The following METTL14 variants were observed in gnomAD, a reference collection of about 807,000 sequenced individuals.
The protein encoded by METTL14 is methyltransferase 14, N6-adenosine-methyltransferase non-catalytic subunit.
A neutral mutation model predicts 62.4 loss-of-function variants in METTL14; 32 were observed. The observed-to-expected ratio is 0.51, with a 90% CI of 0.39 to 0.69. The LOEUF is 0.69. Among genes scored for constraint, METTL14 ranks in the 30% least tolerant of loss-of-function variants. METTL14 has a pLI of 0.00. For synonymous variants in METTL14, 150 were observed against 180.0 expected (o/e 0.83, Z 1.34); for missense variants, 340 against 551.9 (o/e 0.62, Z 3.85).
chr4:118,706,583 C>A (rs1202583336), intron 10 of METTL14, among the ~76,000 whole-genome samples: 1 of 152,194 alleles, frequency 6.6e-6, no homozygotes, highest in Non-Finnish European at 1.5e-5. Flanking sequence ...GTTTTCAGCT[C>A]CTTTGGGTAA....
chr4:118,686,693 C>A (rs759222359), intron 1 of METTL14: 2 of 453,968 alleles, frequency 4.4e-6, no homozygotes, highest in South Asian at 1.6e-5. Flanking sequence ...GTATTATCTT[C>A]AAAAATGTTA....
chr4:118,700,379 C>A (rs1724553126), intron 7 of METTL14, among the ~76,000 whole-genome samples, 171 bp from the exon 8 acceptor site: 1 of 152,020 alleles, frequency 6.6e-6, no homozygotes, highest in African/African-American at 2.4e-5. Context: ...AGTAACAAAA[C>A]AATAGAACGA....
chr4:118,704,123 C>A, intron 9 of METTL14, 72 bp downstream of exon 9: 1 of 828,884 alleles, frequency 1.2e-6, no homozygotes, highest in Non-Finnish European at 1.9e-6. Context: ...TAACTGTATA[C>A]TGTTTAATTA....
At chr4:118,686,084 A>G (rs1356326770) in intron 1 of METTL14, among the ~76,000 whole-genome samples, 1 of 152,212 alleles carries the variant, frequency 6.6e-6, no homozygotes. Flanking sequence ...TGCATCTTAT[A>G]TAGAGTATCC....
chr4:118,696,049 G>T (rs1196737255), intron 6 of METTL14, among the ~76,000 whole-genome samples: 1 of 143,932 alleles, frequency 6.9e-6, no homozygotes, highest in Non-Finnish European at 1.5e-5. Flanking sequence ...AACCCAGGAG[G>T]TGGAGTTTGC....
At chr4:118,704,400 C>T (rs1054873657) in intron 9 of METTL14, among the ~76,000 whole-genome samples, 3 of 152,140 alleles carry the variant, frequency 2.0e-5, no homozygotes, top group Non-Finnish European at 2.9e-5. Flanking sequence ...AGCTTAGAGA[C>T]GTATTTCTCT....
intron 9 of METTL14, among the ~76,000 whole-genome samples, chr4:118,704,893 G>A (rs931156007): frequency 3.9e-5 from 6 of 152,272 alleles, no homozygotes; most frequent in African/African-American, 1.2e-4. Flanking sequence ...GTGACAATCT[G>A]GACTTGTGAT....
intron 7 of METTL14, 119 bp downstream of exon 7, chr4:118,697,442 T>C (rs1579070875): frequency 1.2e-6 from 1 of 864,302 alleles, no homozygotes; most frequent in East Asian, 2.9e-5. Flanking sequence ...TAAATGTAGA[T>C]TTATAGTGTA....
chr4:118,687,955 C>G lies in METTL14; in HGVS notation c.99C>G (p.Ala33=), dbSNP rs145996004. The G allele has an allele frequency of 1.8e-5, 29 of 1,613,174 alleles. No individual in the cohort carries two copies. In the East Asian group the frequency reaches 6.5e-4, roughly 36 times the overall value. ...CTGAAAGTGCCGACAGCATTGGTGCCGTGTTAAATAGCAAAGATGAGCAGA... is the reference window on the plus strand; with the variant it reads ...CTGAAAGTGCCGACAGCATTGGTGCGGTGTTAAATAGCAAAGATGAGCAGA... ...LGAESADSIG[A]VLNSKDEQRE... is the part of the protein sequence containing the mutation. The change falls in exon 2 of 11, where the codon GCC becomes GCG. Residue 33 remains alanine (A), a synonymous_variant. Coordinates refer to ENST00000388822, the MANE Select transcript of METTL14 (RefSeq NM_020961.4).
At chr4:118,689,564 C>A in intron 3 of METTL14, 107 bp downstream of exon 3, 1 of 578,652 alleles carries the variant, frequency 1.7e-6, no homozygotes, top group Non-Finnish European at 3.0e-6. Context: ...TTAAGATGTG[C>A]TAAAATAATT....
chr4:118,701,395 A>G (rs1323131611), intron 8 of METTL14, among the ~76,000 whole-genome samples: 1 of 151,674 alleles, frequency 6.6e-6, no homozygotes, highest in Non-Finnish European at 1.5e-5. Context: ...TATGTTGCCC[A>G]GGCTGGCCCC....
At chr4:118,705,566 G>T in intron 9 of METTL14, 45 bp from the exon 10 acceptor site, 1 of 1,460,388 alleles carries the variant, frequency 6.8e-7, no homozygotes, top group South Asian at 1.1e-5. Flanking sequence ...GTTTTGGAAT[G>T]ACTGTTGATG....
chr4:118,692,746 A>G (rs941085663), intron 5 of METTL14, among the ~76,000 whole-genome samples: 5 of 151,788 alleles, frequency 3.3e-5, no homozygotes, highest in African/African-American at 1.2e-4. Flanking sequence ...TTGTGCAACT[A>G]TTTTCACAAT....
intron 7 of METTL14, among the ~76,000 whole-genome samples, chr4:118,697,752 A>C (rs1306724488): frequency 6.6e-6 from 1 of 152,196 alleles, no homozygotes; most frequent in Non-Finnish European, 1.5e-5. Context: ...AACACCCTGT[A>C]TGGACACATA....
chr4:118,689,209 G>A (rs1009866978), intron 2 of METTL14, among the ~76,000 whole-genome samples, 161 bp from the exon 3 acceptor site: 2 of 152,022 alleles, frequency 1.3e-5, no homozygotes, highest in Non-Finnish European at 2.9e-5. Context: ...TATCAATCAG[G>A]TTATTTGACT....
chr4:118,688,557 T>G (rs2110464171), intron 2 of METTL14, among the ~76,000 whole-genome samples: 1 of 152,178 alleles, frequency 6.6e-6, no homozygotes, highest in Admixed American at 6.5e-5. Flanking sequence ...GTTTTTATTG[T>G]CAGTTCATTA....
intron 8 of METTL14, among the ~76,000 whole-genome samples, chr4:118,703,734 A>C (rs1724675429): frequency 6.6e-6 from 1 of 152,220 alleles, no homozygotes; most frequent in Non-Finnish European, 1.5e-5. Flanking sequence ...TCCAAAAGAT[A>C]TATATGCATT....
chr4:118,698,955 T>C (rs1160015651), intron 7 of METTL14, among the ~76,000 whole-genome samples: 2 of 152,104 alleles, frequency 1.3e-5, no homozygotes, highest in Non-Finnish European at 2.9e-5. Flanking sequence ...CGGGAAAACA[T>C]TTACATTTAA....
rs1376263001 is a variant in METTL14 at position 118,705,599 on chromosome 4, C to T, written c.856-12C>T. The T allele has an allele frequency of 6.2e-7, 1 of 1,610,350 alleles. No homozygotes were observed. Among genetic ancestry groups the T allele is most frequent in the Non-Finnish European group, 8.5e-7 (1 of 1,176,816 alleles). On this transcript the variant is annotated splice_polypyrimidine_tract_variant and intron_variant, in intron 9 of 10. Transcript: ENST00000388822. Reference sequence around the variant, plus strand: ...ATGAAAACAGATTAATTGGTCTGCTCTTGTTATTTAGGAACACTGCCTCAT... The same window carrying T: ...ATGAAAACAGATTAATTGGTCTGCTTTTGTTATTTAGGAACACTGCCTCAT...
Sources: gnomAD v4.1 joint callset for allele counts (sites outside exome capture counted in the v4.1 genomes callset) on GRCh38, gnomAD v4.1.1 for gene constraint, MANE v1.5 for transcripts, NCBI Gene and HGNC (gene_info 2026-07-23, HGNC 2026-07-21) for gene names.